The following SLC24A2 variants were observed in gnomAD, a reference collection of about 807,000 sequenced individuals.
SLC24A2 encodes the protein solute carrier family 24 member 2.
Under a neutral mutation model 62.0 loss-of-function variants are expected in SLC24A2, and 36 were observed. The observed-to-expected ratio is 0.58, with a 90% CI of 0.44 to 0.77. The LOEUF (loss-of-function observed/expected upper bound fraction) is 0.77. SLC24A2 is among the 30% of genes least tolerant of loss of function. The pLI, the probability that SLC24A2 is intolerant of heterozygous loss-of-function variation, is 0.00. For missense variants in SLC24A2, 846 were observed against 817.9 expected (o/e 1.03, Z -0.42); for synonymous variants, 358 against 294.0 (o/e 1.22, Z -2.23).
chr9:19,905,461 T>C, the SLC24A2 span, among the ~76,000 whole-genome samples: 9 of 151,074 alleles, frequency 6.0e-5, no homozygotes, highest in African/African-American at 2.2e-4. Context: ...TAGGCTGGAG[T>C]GCAATGGTGT....
the SLC24A2 span, among the ~76,000 whole-genome samples, chr9:20,044,679 G>A: frequency 2.6e-5 from 4 of 152,266 alleles, no homozygotes; most frequent in Admixed American, 2.6e-4. Flanking sequence ...CTGATGTGGA[G>A]CTATAAAGCT....
At chr9:20,198,441 C>A in the SLC24A2 span, among the ~76,000 whole-genome samples, 1 of 152,186 alleles carries the variant, frequency 6.6e-6, no homozygotes, top group Admixed American at 6.5e-5. Flanking sequence ...CTGCCTCACA[C>A]AGACTGTATT....
chr9:20,285,611 C>T, the SLC24A2 span, among the ~76,000 whole-genome samples: 1 of 152,206 alleles, frequency 6.6e-6, no homozygotes, highest in South Asian at 2.1e-4. Context: ...AGCTGCTTTA[C>T]TCCATCTACC....
chr9:20,038,054 TG>T, the SLC24A2 span, among the ~76,000 whole-genome samples: 1 of 152,188 alleles, frequency 6.6e-6, no homozygotes, highest in Non-Finnish European at 1.5e-5. Flanking sequence ...GTATAAATGT[TG>T]GATGTTTCAG....
At chr9:19,946,283 C>T in the SLC24A2 span, among the ~76,000 whole-genome samples, 2 of 152,134 alleles carry the variant, frequency 1.3e-5, no homozygotes, top group African/African-American at 4.8e-5. Flanking sequence ...ACATTTTTAA[C>T]CTGGTAAACT....
At chr9:19,557,388 T>A (rs1032729257) in intron 7 of SLC24A2, among the ~76,000 whole-genome samples, 19 of 152,076 alleles carry the variant, frequency 1.2e-4, no homozygotes, top group African/African-American at 3.9e-4. Context: ...TTACAAAGCT[T>A]TGGGGAAGAA....
chr9:20,293,033 T>C, the SLC24A2 span, among the ~76,000 whole-genome samples: 2 of 152,228 alleles, frequency 1.3e-5, no homozygotes, highest in African/African-American at 4.8e-5. Context: ...TTCCTTGGCT[T>C]GTCACTGCAT....
chr9:19,957,180 C>G, the SLC24A2 span, among the ~76,000 whole-genome samples: 1 of 152,136 alleles, frequency 6.6e-6, no homozygotes, highest in African/African-American at 2.4e-5. Flanking sequence ...TAAAGCAGTA[C>G]AAATGACTTC....
intron 2 of SLC24A2, among the ~76,000 whole-genome samples, chr9:19,658,770 G>C (rs989396057): frequency 2.6e-5 from 4 of 152,176 alleles, no homozygotes; most frequent in African/African-American, 9.6e-5. Context: ...GGAGGAGAGA[G>C]AGCTCGGAAT....
chr9:20,105,671 C>A, the SLC24A2 span, among the ~76,000 whole-genome samples: 4 of 151,908 alleles, frequency 2.6e-5, no homozygotes, highest in South Asian at 8.4e-4. Flanking sequence ...ACACAACATA[C>A]CAGAATCTCC....
chr9:19,906,662 C>T, the SLC24A2 span, among the ~76,000 whole-genome samples: 1 of 152,244 alleles, frequency 6.6e-6, no homozygotes, highest in East Asian at 1.9e-4. Flanking sequence ...ACCGATCCCA[C>T]AGAAATACAA....
chr9:20,083,151 T>C, the SLC24A2 span, among the ~76,000 whole-genome samples: 94 of 152,362 alleles, frequency 6.2e-4, no homozygotes, highest in African/African-American at 2.2e-3. Context: ...CAACTTCCAC[T>C]GTACCTTGTG....
the SLC24A2 span, among the ~76,000 whole-genome samples, chr9:20,071,671 G>C: frequency 6.6e-6 from 1 of 152,130 alleles, no homozygotes; most frequent in Non-Finnish European, 1.5e-5. Flanking sequence ...AAGACGACTA[G>C]AGGGGAAAAC....
chr9:19,806,803 C>T, the SLC24A2 span, among the ~76,000 whole-genome samples: 5 of 152,270 alleles, frequency 3.3e-5, no homozygotes, highest in African/African-American at 9.6e-5. Flanking sequence ...AGTCACAGCT[C>T]TCTCACAACT....
the SLC24A2 span, among the ~76,000 whole-genome samples, chr9:20,170,139 A>G: frequency 1.1e-5 from 1 of 87,618 alleles, no homozygotes; most frequent in Non-Finnish European, 2.2e-5. Context: ...GACAAAAAGA[A>G]AAAAAAAAAA....
the SLC24A2 span, chr9:19,967,988 A>G: frequency 6.6e-6 from 1 of 152,174 alleles, no homozygotes; most frequent in Admixed American, 6.5e-5. Flanking sequence ...TCAGAGTTCA[A>G]CTTCACTAAT....
chr9:19,864,312 C>CAA, the SLC24A2 span, among the ~76,000 whole-genome samples: 2 of 151,356 alleles, frequency 1.3e-5, no homozygotes. Context: ...GGGAATACTT[C>CAA]AAACTCATTC....
At chr9:20,191,930 T>G in the SLC24A2 span, among the ~76,000 whole-genome samples, 2 of 152,100 alleles carry the variant, frequency 1.3e-5, no homozygotes, top group Non-Finnish European at 2.9e-5. Flanking sequence ...ATCCTGGCAT[T>G]GACCCATGAA....
chr9:20,270,816 A>C, the SLC24A2 span, among the ~76,000 whole-genome samples: 1 of 152,252 alleles, frequency 6.6e-6, no homozygotes, highest in Non-Finnish European at 1.5e-5. Flanking sequence ...ATGTTTTTAT[A>C]CAATAAAAAT....
Sources: gnomAD v4.1 joint callset for allele counts (sites outside exome capture counted in the v4.1 genomes callset) on GRCh38, gnomAD v4.1.1 for gene constraint, MANE v1.5 for transcripts, NCBI Gene and HGNC (gene_info 2026-07-23, HGNC 2026-07-21) for gene names.